The following LY6K variants were observed in gnomAD, a reference collection of about 807,000 sequenced individuals.
LY6K encodes lymphocyte antigen 6K.
LY6K carries 9 observed loss-of-function variants against 10.4 expected under a neutral mutation model. The ratio of observed to expected loss-of-function variants is 0.87; its 90% CI spans 0.52 to 1.52. LY6K has a LOEUF of 1.52. Among genes scored for constraint, LY6K ranks in the 40% most tolerant of loss-of-function variants. The pLI is 0.00. For synonymous variants in LY6K, 98 were observed against 83.7 expected (o/e 1.17, Z -0.94); for missense variants, 217 against 211.7 (o/e 1.02, Z -0.15).
Position 142,700,406 on chromosome 8 carries a change from G to A in LY6K, c.-122G>A, listed in dbSNP as rs1051446831. 6.7e-6 allele frequency: 9 copies of A among 1,347,984 alleles called. No homozygotes were observed. In the African/African-American group the frequency reaches 1.1e-4, roughly 16 times the overall value. 83.5% of individuals were successfully genotyped at this position (1,347,984 alleles called of 1,614,324 possible). A position where few individuals can be genotyped will look rare whatever the true frequency, so the allele number is the denominator to read the frequency against. ...CCGGCGGGTGGGAGGCGCGCGCCCC[G>A]GGGCGGGCGGGGCTCCCCCTACCGG... On this transcript the variant is annotated 5_prime_UTR_variant, in exon 1 of 3. Transcript: ENST00000292430.
Position 142,703,125 on chromosome 8 carries a change from G to A in LY6K, c.252G>A (p.Gln84=). ...IFPRFFMVAK[Q]CSAGCAAMER... ...CACGTTTTTTCATGGTTGCGAAGCA[G>A]TGCTCCGCTGGTTGTGCAGCGATGG... The change falls in exon 3 of 3, where the codon CAG becomes CAA. Residue 84 remains glutamine (Q), a synonymous_variant. Transcript: ENST00000292430. 8 of 1,614,210 alleles carry A rather than the reference G, an allele frequency of 5.0e-6. No homozygotes were observed. The highest frequency in any genetic ancestry group is 5.9e-6 in the Non-Finnish European group (7 of 1,180,026).
intron 2 of LY6K, 94 bp downstream of exon 2, chr8:142,701,807 C>T: frequency 1.3e-6 from 1 of 748,436 alleles, no homozygotes. Context: ...TGGGGAATAA[C>T]TAATAGAAAG....
rs368295788 is a variant in LY6K, at chr8:142,703,401, C to T, written c.*30C>T. 2.4e-5 allele frequency: 38 copies of T among 1,589,372 alleles called. No individual in the cohort carries two copies. The African/African-American group carries it at 2.7e-4, about 11-fold the overall frequency. On this transcript the variant is annotated 3_prime_UTR_variant, in exon 3 of 3. Transcript: ENST00000292430. ...CGGGACTGCCACAGACTGAGCCTTC[C>T]GGAGCATGGACTCGCTCCAGACCGT...
In LY6K at chr8:142,700,514, C is replaced by T; in HGVS notation, c.-14C>T. 6.4e-7 allele frequency: 1 copy of T among 1,568,392 alleles called. No individual in the cohort carries two copies. The highest frequency in any genetic ancestry group is 8.6e-7 in the Non-Finnish European group (1 of 1,159,988). On this transcript the variant is annotated 5_prime_UTR_variant, in exon 1 of 3. Coordinates refer to ENST00000292430, the MANE Select transcript of LY6K (RefSeq NM_017527.4). ...GCGCCGCGCGCTGACCCTCCCTGGG[C>T]ACCGCTGGGGACGATGGCGCTGCTC...
In LY6K at chr8:142,701,587, T is replaced by G; in HGVS notation, c.104-13T>G. On this transcript the variant is annotated splice_polypyrimidine_tract_variant and intron_variant, in intron 1 of 2. Transcript: ENST00000292430. Reference sequence around the variant, plus strand: ...CTGGAACATTCTGCTTTCTTTTTTATTCCTCCTTTCAGACGAGGGTGACAA... The same window carrying G: ...CTGGAACATTCTGCTTTCTTTTTTAGTCCTCCTTTCAGACGAGGGTGACAA... The G allele has an allele frequency of 6.4e-7, 1 of 1,553,866 alleles. No homozygotes were observed. Among genetic ancestry groups the G allele is most frequent in the Non-Finnish European group, 8.9e-7 (1 of 1,125,248 alleles).
At chr8:142,702,149 G>A in intron 2 of LY6K, 1 of 329,096 alleles carries the variant, frequency 3.0e-6, no homozygotes, top group Non-Finnish European at 5.6e-6. Flanking sequence ...GTCCTCAGAG[G>A]CCAGAGAGAG....
In LY6K at chr8:142,700,613, A is replaced by G; in HGVS notation, c.86A>G (p.Glu29Gly). ...CTGACTGCGAGACAACGAGATCCAG[A>G]GGACTCCCAGCGAACGGGTGAGCCT... The part of the protein sequence containing the change: ...ANLTARQRDP[E>G]DSQRTDEGDN... The change falls in exon 1 of 3, where the codon GAG (glutamate) becomes GGG (glycine). Residue 29 changes from glutamate (E) to glycine (G), a missense_variant. Coordinates refer to ENST00000292430, the MANE Select transcript of LY6K (RefSeq NM_017527.4). The G allele has an allele frequency of 6.4e-7, 1 of 1,566,704 alleles. No homozygotes were observed. Among genetic ancestry groups the G allele is most frequent in the Non-Finnish European group, 8.6e-7 (1 of 1,158,656 alleles).
intron 2 of LY6K, chr8:142,702,504 A>G (rs1554640320): frequency 2.0e-6 from 3 of 1,535,636 alleles, no homozygotes; most frequent in Non-Finnish European, 2.6e-6. Context: ...CCACAGGGAG[A>G]TCTTCAGGGC....
rs587641118 is a variant in LY6K at position 142,704,560 on chromosome 8, G to A, written c.*1189G>A. The A allele has an allele frequency of 6.6e-6, 1 of 152,272 alleles. No individual in the cohort carries two copies. Among genetic ancestry groups the A allele is most frequent in the African/African-American group, 2.4e-5 (1 of 41,544 alleles). 9.4% of individuals were successfully genotyped at this position (152,272 alleles called of 1,614,324 possible). On this transcript the variant is annotated 3_prime_UTR_variant, in exon 3 of 3. Transcript: ENST00000292430. ...CTGGGTGTTTTCCTGCTAAATCGTT[G>A]GCTGACTTTCTCTATACACTCTCAT...
rs1166179654 is a variant in LY6K at position 142,704,995 on chromosome 8, A to G, written c.*1624A>G. 2 of 152,212 alleles carry G rather than the reference A, an allele frequency of 1.3e-5. No individual in the cohort carries two copies. The highest frequency in any genetic ancestry group is 2.9e-5 in the Non-Finnish European group (2 of 68,046). The allele number at this position is 152,212 out of a possible 1,614,324, so 9.4% of individuals were successfully genotyped here. A position where few individuals can be genotyped will look rare whatever the true frequency, so the allele number is the denominator to read the frequency against. On this transcript the variant is annotated 3_prime_UTR_variant, in exon 3 of 3. Coordinates refer to ENST00000292430, the MANE Select transcript of LY6K (RefSeq NM_017527.4). ...TTGGCTATTGTTTCTGCTGCTATTA[A>G]TCAGTCCTCTTAAATTAGGGCACAA...
rs587763246 is a variant in LY6K, at chr8:142,701,958, C to T, written c.217+245C>T. 257 of 412,266 alleles carry T rather than the reference C, an allele frequency of 6.2e-4. 2 individuals are homozygous for T. The highest frequency in any genetic ancestry group is 6.2e-3 in the South Asian group (216 of 34,866). 25.5% of individuals were successfully genotyped at this position (412,266 alleles called of 1,614,324 possible). ...CAGAGTAGCTGGTATTATGGATGCG[C>T]GCCACCACACTGGCTAATTTTTTAT... On this transcript the variant is annotated intron_variant, in intron 2 of 2. Transcript: ENST00000292430.
At chr8:142,701,751 G>A in intron 2 of LY6K, 38 bp downstream of exon 2, 2 of 1,352,808 alleles carry the variant, frequency 1.5e-6, no homozygotes, top group South Asian at 1.2e-5. Flanking sequence ...CCAAAGGCAG[G>A]TGAACAGAGG....
Position 142,700,620 on chromosome 8 carries a change from C to T in LY6K, c.93C>T (p.Ser31=). ...CGAGACAACGAGATCCAGAGGACTC[C>T]CAGCGAACGGGTGAGCCTGGCTCGC... ...LTARQRDPED[S]QRTDEGDNRV... The change falls in exon 1 of 3, where the codon TCC becomes TCT. Residue 31 remains serine (S), a synonymous_variant. Coordinates refer to ENST00000292430, the MANE Select transcript of LY6K (RefSeq NM_017527.4). 1 of 1,558,648 alleles carries T rather than the reference C, an allele frequency of 6.4e-7. No individual in the cohort carries two copies. Among genetic ancestry groups the T allele is most frequent in the Non-Finnish European group, 8.7e-7 (1 of 1,154,264 alleles).
chr8:142,700,402 C>T lies in LY6K; in HGVS notation c.-126C>T. 2 of 1,350,906 alleles carry T rather than the reference C, an allele frequency of 1.5e-6. No homozygotes were observed. The highest frequency in any genetic ancestry group is 1.7e-5 in the South Asian group (1 of 57,434). 83.7% of individuals were successfully genotyped at this position (1,350,906 alleles called of 1,614,324 possible). On this transcript the variant is annotated 5_prime_UTR_variant, in exon 1 of 3. Coordinates refer to ENST00000292430, the MANE Select transcript of LY6K (RefSeq NM_017527.4). ...GGCCCCGGCGGGTGGGAGGCGCGCG[C>T]CCCGGGGCGGGCGGGGCTCCCCCTA...
intron 2 of LY6K, chr8:142,702,343 C>A: frequency 1.5e-6 from 1 of 651,938 alleles, no homozygotes; most frequent in Non-Finnish European, 2.6e-6. Flanking sequence ...TGCACAAAAC[C>A]AAGGTGTACA....
chr8:142,700,504 C>A lies in LY6K; in HGVS notation c.-24C>A. 1.3e-6 allele frequency: 2 copies of A among 1,560,800 alleles called. No homozygotes were observed. The highest frequency in any genetic ancestry group is 8.6e-7 in the Non-Finnish European group (1 of 1,156,282). On this transcript the variant is annotated 5_prime_UTR_variant, in exon 1 of 3. Coordinates refer to ENST00000292430, the MANE Select transcript of LY6K (RefSeq NM_017527.4). ...CGGGGAGGGGGCGCCGCGCGCTGAC[C>A]CTCCCTGGGCACCGCTGGGGACGAT...
In LY6K at chr8:142,704,198, T is replaced by C. The variant is rs375257018; in HGVS notation, c.*827T>C. 2.6e-5 allele frequency: 4 copies of C among 152,250 alleles called. No individual in the cohort carries two copies. The East Asian group carries it at 5.8e-4, about 22-fold the overall frequency. 9.4% of individuals were successfully genotyped at this position (152,250 alleles called of 1,614,324 possible). ...GAATTAAAAGATAAAAATTAAAAAA[T>C]GTTTTATTTCTCAGCATGAGCTCCA... On this transcript the variant is annotated 3_prime_UTR_variant, in exon 3 of 3. Transcript: ENST00000292430.
rs1815142532 is a variant in LY6K at position 142,704,168 on chromosome 8, AAATTG to A, written c.*802_*806del. On this transcript the variant is annotated 3_prime_UTR_variant, in exon 3 of 3. Transcript: ENST00000292430. ...AAGGGGACTTCAAAAGTTCACGAAAAAATTGAATTAAAAGATAAAAATTAAAAAAT... is the reference window on the plus strand; with the variant it reads ...AAGGGGACTTCAAAAGTTCACGAAAAAATTAAAAGATAAAAATTAAAAAAT... The A allele has an allele frequency of 6.6e-6, 1 of 152,190 alleles. No homozygotes were observed. The highest frequency in any genetic ancestry group is 2.4e-5 in the African/African-American group (1 of 41,452). The allele number at this position is 152,190 out of a possible 1,614,324, so 9.4% of individuals were successfully genotyped here.
At position 142,700,309 on chromosome 8, in the gene LY6K, C is replaced by A; in HGVS notation, c.-219C>A. The A allele has an allele frequency of 7.8e-7, 1 of 1,288,758 alleles. No homozygotes were observed. The highest frequency in any genetic ancestry group is 9.8e-7 in the Non-Finnish European group (1 of 1,017,466). The allele number at this position is 1,288,758 out of a possible 1,614,324, so 79.8% of individuals were successfully genotyped here. On this transcript the variant is annotated 5_prime_UTR_variant, in exon 1 of 3. Coordinates refer to ENST00000292430, the MANE Select transcript of LY6K (RefSeq NM_017527.4). ...GCTCCAACAGCAGCACAAGGCGGGA[C>A]TCAGAACCGGCGTTCAGGGCCGCCA...
Sources: gnomAD v4.1 joint callset for allele counts on GRCh38, gnomAD v4.1.1 for gene constraint, MANE v1.5 for transcripts, NCBI Gene and HGNC (gene_info 2026-07-23, HGNC 2026-07-21) for gene names.